Variants in DAB1 observed in about 807,000 individuals in gnomAD.
DAB1 encodes DAB adaptor protein 1, also known as disabled homolog 1.
In DAB1, 15 loss-of-function variants were observed where a neutral mutation model predicts 64.6. That is an observed-to-expected ratio of 0.23 (90% CI 0.16 to 0.36). The LOEUF is 0.36. DAB1 is among the 10% of genes least tolerant of loss of function. The probability of loss-of-function intolerance (pLI) is 1.00; values close to 1 mark genes in which losing one functional copy is unlikely to be tolerated. For synonymous variants in DAB1, 235 were observed against 251.9 expected, an observed-to-expected ratio of 0.93 and a Z score of 0.64; for missense variants, 596 against 706.7, an observed-to-expected ratio of 0.84 and a Z score of 1.78.
chr1:58,152,396 A>G (rs183443488), intron 4 of DAB1, among the ~76,000 whole-genome samples: 2 of 152,350 alleles, frequency 1.3e-5, no homozygotes, highest in Admixed American at 6.5e-5. Context: ...AAACAAAGCC[A>G]TCGGAAGCAG....
At chr1:57,722,610 G>A (rs2101760865) in intron 6 of DAB1, among the ~76,000 whole-genome samples, 1 of 152,306 alleles carries the variant, frequency 6.6e-6, no homozygotes, top group South Asian at 2.1e-4. Flanking sequence ...GTCCCAATGA[G>A]TTTATCCAAT....
intron 7 of DAB1, among the ~76,000 whole-genome samples, chr1:57,507,248 T>C (rs2805882): frequency 0.92 from 140,318 of 152,182 alleles, 65,667 homozygotes; most frequent in Non-Finnish European, 1. Context: ...GTCCACTCAT[T>C]ACTGCATGCA....
intron 2 of DAB1, among the ~76,000 whole-genome samples, chr1:57,287,778 T>TTTTA (rs10647426): frequency 0.19 from 26,920 of 143,970 alleles, 2,621 homozygotes; most frequent in African/African-American, 0.21. Flanking sequence ...TTTCTCTCTC[T>TTTTA]TTTATTTATT....
intron 2 of DAB1, among the ~76,000 whole-genome samples, chr1:58,523,439 C>G (rs992100911): frequency 6.6e-6 from 1 of 152,148 alleles, no homozygotes; most frequent in African/African-American, 2.4e-5. Flanking sequence ...CAGTAACAAC[C>G]TTTCCCTAAA....
chr1:57,736,801 C>T (rs1348618656), intron 6 of DAB1, among the ~76,000 whole-genome samples: 1 of 152,084 alleles, frequency 6.6e-6, no homozygotes, highest in Non-Finnish European at 1.5e-5. Context: ...TTTTCTCTAA[C>T]ATATATTTAT....
chr1:57,168,636 A>T (rs1416677015), intron 2 of DAB1, among the ~76,000 whole-genome samples: 3 of 152,140 alleles, frequency 2.0e-5, no homozygotes, highest in Non-Finnish European at 4.4e-5. Context: ...TTCACCCTTA[A>T]GTAATAAATG....
At chr1:57,583,869 T>C (rs939088897) in intron 7 of DAB1, among the ~76,000 whole-genome samples, 2 of 152,180 alleles carry the variant, frequency 1.3e-5, no homozygotes, top group Non-Finnish European at 2.9e-5. Context: ...GAAATGCTCC[T>C]GGTTAGGGGT....
intron 6 of DAB1, among the ~76,000 whole-genome samples, chr1:57,764,847 TTAACA>T (rs71580854): frequency 0.12 from 18,609 of 152,072 alleles, 1,197 homozygotes; most frequent in Middle Eastern, 0.22. Flanking sequence ...GCATCTGTAG[TTAACA>T]TAAAGAAAAG....
intron 1 of DAB1, among the ~76,000 whole-genome samples, chr1:57,298,916 C>T (rs1208017699): frequency 1.3e-5 from 2 of 152,018 alleles, no homozygotes; most frequent in Admixed American, 6.6e-5. Context: ...TCCCTTTGGA[C>T]CAGAAGTGGA....
downstream of DAB1, among the ~76,000 whole-genome samples, chr1:57,823,261 G>A (rs1450226455): frequency 2.6e-5 from 4 of 151,980 alleles, no homozygotes; most frequent in African/African-American, 4.8e-5. Context: ...GGGATTACAG[G>A]CGTGAGCCAC....
At chr1:57,716,562 A>G (rs1647086709) in intron 6 of DAB1, among the ~76,000 whole-genome samples, 1 of 152,224 alleles carries the variant, frequency 6.6e-6, no homozygotes. Context: ...CTTATCTCTC[A>G]CCATACACAA....
chr1:57,213,539 A>G (rs1440739108), intron 2 of DAB1, among the ~76,000 whole-genome samples: 3 of 152,166 alleles, frequency 2.0e-5, no homozygotes, highest in East Asian at 1.9e-4. Flanking sequence ...CTCAAACTAC[A>G]GTCATACAAA....
intron 2 of DAB1, among the ~76,000 whole-genome samples, chr1:57,269,026 G>A (rs932754818): frequency 6.6e-6 from 1 of 152,156 alleles, no homozygotes; most frequent in African/African-American, 2.4e-5. Context: ...GGCTGGGGCT[G>A]TGGTGGAGTT....
At chr1:57,578,141 C>G (rs1645272025) in intron 7 of DAB1, among the ~76,000 whole-genome samples, 1 of 152,196 alleles carries the variant, frequency 6.6e-6, no homozygotes, top group African/African-American at 2.4e-5. Flanking sequence ...ATGCCAGGGA[C>G]TCGTAAATCA....
At chr1:57,045,527 G>T (rs1570583159) in intron 9 of DAB1, among the ~76,000 whole-genome samples, 2 of 152,144 alleles carry the variant, frequency 1.3e-5, no homozygotes, top group Non-Finnish European at 2.9e-5. Flanking sequence ...GAGAAATTCT[G>T]TCTCTACTAA....
intron 11 of DAB1, 106 bp downstream of exon 11, chr1:57,023,425 G>A (rs1229551960): frequency 4.4e-6 from 3 of 686,882 alleles, no homozygotes; most frequent in Non-Finnish European, 7.9e-6. Flanking sequence ...AGTCACAGGA[G>A]AGAACAGCAG....
chr1:57,677,498 T>A (rs151298387), intron 6 of DAB1, among the ~76,000 whole-genome samples: 3 of 152,270 alleles, frequency 2.0e-5, no homozygotes, highest in Non-Finnish European at 4.4e-5. Flanking sequence ...TTCCTCCCTA[T>A]ATTTCTGCAT....
intron 3 of DAB1, among the ~76,000 whole-genome samples, chr1:58,482,768 A>G (rs1278710808): frequency 6.6e-6 from 1 of 152,178 alleles, no homozygotes; most frequent in Non-Finnish European, 1.5e-5. Flanking sequence ...GGGAGCTGCG[A>G]GTACAAGGGA....
intron 1 of DAB1, chr1:57,878,164 T>A (rs1644083806): frequency 6.6e-6 from 1 of 152,238 alleles, no homozygotes; most frequent in Admixed American, 6.5e-5. Flanking sequence ...ATGACTGCAT[T>A]ATTTAAGTGT....
Sources: gnomAD v4.1 joint callset for allele counts (sites outside exome capture counted in the v4.1 genomes callset) on GRCh38, gnomAD v4.1.1 for gene constraint, MANE v1.5 for transcripts, NCBI Gene and HGNC (gene_info 2026-07-23, HGNC 2026-07-21) for gene names.